Variants in COL17A1 observed in about 807,000 individuals in gnomAD.
COL17A1 encodes collagen alpha-1(XVII) chain.
In COL17A1, 181 loss-of-function variants were observed where a neutral mutation model predicts 218.4. That is an observed-to-expected ratio of 0.83 (90% CI 0.73 to 0.94). The LOEUF is 0.94. COL17A1 is among the 40% of genes least tolerant of loss of function. The pLI is 0.00. For missense variants in COL17A1, 1,924 were observed against 1,945.9 expected (o/e 0.99, Z 0.21); for synonymous variants, 721 against 731.0 (o/e 0.99, Z 0.22).
chr10:104,055,239 A>G, intron 19 of COL17A1, 133 bp downstream of exon 19: 2 of 1,519,758 alleles, frequency 1.3e-6, no homozygotes, highest in South Asian at 2.3e-5. Context: ...GATACCTCCC[A>G]ACAGATACCA....
chr10:104,039,310 T>C, intron 43 of COL17A1, 135 bp downstream of exon 43: 1 of 1,122,514 alleles, frequency 8.9e-7, no homozygotes, highest in Middle Eastern at 2.8e-4. Flanking sequence ...CCCTCTGGCC[T>C]TTCCTTCCTC....
At chr10:104,070,394 CA>C in intron 9 of COL17A1, 31 bp downstream of exon 9, 3 of 1,612,430 alleles carry the variant, frequency 1.9e-6, no homozygotes, top group Non-Finnish European at 2.5e-6. Context: ...TTGTTTCTCA[CA>C]CTCCTCGGCA....
At chr10:104,063,960 G>A in intron 10 of COL17A1, 142 bp from the exon 11 acceptor site, 1 of 1,179,594 alleles carries the variant, frequency 8.5e-7, no homozygotes. Context: ...GGAAAAACAG[G>A]CTCTTGCCTT....
intron 32 of COL17A1, among the ~76,000 whole-genome samples, chr10:104,046,382 A>G (rs1414940874): frequency 1.3e-5 from 2 of 152,290 alleles, no homozygotes; most frequent in African/African-American, 2.4e-5. Flanking sequence ...AACAAGGATG[A>G]GCGCCCATGC....
intron 9 of COL17A1, among the ~76,000 whole-genome samples, chr10:104,066,281 C>G (rs992844511): frequency 6.6e-6 from 1 of 152,152 alleles, no homozygotes; most frequent in Admixed American, 6.5e-5. Flanking sequence ...TAAAAAGACA[C>G]CCTCTAACAT....
intron 3 of COL17A1, among the ~76,000 whole-genome samples, chr10:104,078,031 C>T (rs1388147607): frequency 6.6e-6 from 1 of 152,166 alleles, no homozygotes; most frequent in Non-Finnish European, 1.5e-5. Context: ...TCTCCCCATC[C>T]CCAGGGAACT....
rs747301994 is a variant in COL17A1 at position 104,053,097 on chromosome 10, G to T, written c.1873C>A (p.Arg625=). 2 of 1,613,488 alleles carry T rather than the reference G, an allele frequency of 1.2e-6. No individual in the cohort carries two copies. Among genetic ancestry groups the T allele is most frequent in the Non-Finnish European group, 8.5e-7 (1 of 1,180,016 alleles). The change falls in exon 23 of 56, where the codon CGA becomes AGA. Residue 625 remains arginine, a synonymous_variant. Transcript: ENST00000648076. Reference sequence around the variant, plus strand: ...CCACGAGGTCCCATGGGGCCTTCTCGCCCTCTCTGGCCCATGGGGCCTTCC... The same window carrying T: ...CCACGAGGTCCCATGGGGCCTTCTCTCCCTCTCTGGCCCATGGGGCCTTCC... ...GMEGPMGQRG[R]EGPMGPRGEA...
rs768705886 is a variant in COL17A1 at position 104,041,494 on chromosome 10, C to T, written c.2596G>A (p.Gly866Arg). ...QGPPGPPGPR[G>R]PPGPSIPGPP... is the part of the protein sequence containing the mutation. ...TCTCCAAGATACTCACCTGGTGGCCCGCGTGGGCCGGGTGGGCCTGGGGGA... is the reference window on the plus strand; with the variant it reads ...TCTCCAAGATACTCACCTGGTGGCCTGCGTGGGCCGGGTGGGCCTGGGGGA... Residue 866 changes from glycine (G) to arginine (R), a missense_variant, in exon 37 of 56, where the codon GGG becomes AGG. Coordinates refer to ENST00000648076, the MANE Select transcript of COL17A1 (RefSeq NM_000494.4). 2 of 1,612,760 alleles carry T rather than the reference C, an allele frequency of 1.2e-6. No individual in the cohort carries two copies. Among genetic ancestry groups the T allele is most frequent in the African/African-American group, 1.3e-5 (1 of 74,812 alleles).
intron 51 of COL17A1, 36 bp downstream of exon 51, chr10:104,034,585 G>A (rs886521082): frequency 6.2e-7 from 1 of 1,602,866 alleles, no homozygotes; most frequent in Non-Finnish European, 8.5e-7. Flanking sequence ...AAGGCCTGCG[G>A]GGTGCCTGGT....
At chr10:104,046,349 C>T (rs2086409376) in intron 32 of COL17A1, among the ~76,000 whole-genome samples, 1 of 152,182 alleles carries the variant, frequency 6.6e-6, no homozygotes, top group Non-Finnish European at 1.5e-5. Context: ...CTGAGGCTGT[C>T]CCAGAGAAAC....
intron 43 of COL17A1, 31 bp downstream of exon 43, chr10:104,039,414 C>T (rs1306578061): frequency 6.2e-7 from 1 of 1,610,622 alleles, no homozygotes; most frequent in East Asian, 2.2e-5. Context: ...ACCCCTACTC[C>T]TCACCACCTT....
At chr10:104,065,187 G>A (rs755043306) in intron 9 of COL17A1, among the ~76,000 whole-genome samples, 1 of 152,170 alleles carries the variant, frequency 6.6e-6, no homozygotes, top group Non-Finnish European at 1.5e-5. Flanking sequence ...TTCATATTTG[G>A]GGCCAGTTCT....
chr10:104,084,366 G>A (rs2086789438), intron 1 of COL17A1, among the ~76,000 whole-genome samples: 1 of 150,720 alleles, frequency 6.6e-6, no homozygotes, highest in African/African-American at 2.4e-5. Flanking sequence ...TGGGAGTGCA[G>A]TGGCACAACC....
At chr10:104,058,232 G>A (rs2086550132) in intron 15 of COL17A1, 42 bp from the exon 16 acceptor site, 2 of 1,613,408 alleles carry the variant, frequency 1.2e-6, no homozygotes, top group East Asian at 4.5e-5. Flanking sequence ...TAAACTGGAG[G>A]AGCTAGCTGC....
At chr10:104,032,559 T>C (rs972385266) in intron 55 of COL17A1, 115 bp downstream of exon 55, 2 of 1,115,404 alleles carry the variant, frequency 1.8e-6, no homozygotes, top group Non-Finnish European at 2.7e-6. Flanking sequence ...CCTGGAGTAA[T>C]TGGCATTTGC....
rs116305039 is a variant in COL17A1 at position 104,063,561 on chromosome 10, C to T, written c.838+186G>A. ...ACGTCAATGTGGGCTCACGTCCCCT[C>T]GCCTGAGACTTTTCCCTTGGGGTCT... On this transcript the variant is annotated intron_variant, in intron 11 of 55. Coordinates refer to ENST00000648076, the MANE Select transcript of COL17A1 (RefSeq NM_000494.4). 494 of 903,922 alleles carry T rather than the reference C, an allele frequency of 5.5e-4. 3 individuals are homozygous for T. The African/African-American group carries it at 7.1e-3, about 13-fold the overall frequency. 56.0% of individuals were successfully genotyped at this position (903,922 alleles called of 1,614,324 possible).
intron 12 of COL17A1, among the ~76,000 whole-genome samples, chr10:104,061,674 C>T (rs1030187381): frequency 1.3e-5 from 2 of 152,172 alleles, no homozygotes; most frequent in Non-Finnish European, 2.9e-5. Flanking sequence ...CTTCTAGCTA[C>T]TTCCAGGAAG....
rs772301107 is a variant in COL17A1 at position 104,034,287 on chromosome 10, G to C, written c.3814C>G (p.Pro1272Ala). Residue 1272 changes from proline (P) to alanine (A), a missense_variant, in exon 52 of 56, where the codon CCG becomes GCG. Transcript: ENST00000648076. ...CGGCTGTCCCCAGGGGGTCCCTGCG[G>C]CCCAGGAGGGCCTGGGGGGCCAACA... The part of the protein sequence containing the change: ...FIVGPPGPPG[P>A]QGPPGDSRLL... 3 of 1,585,018 alleles carry C rather than the reference G, an allele frequency of 1.9e-6. No homozygotes were observed. The highest frequency in any genetic ancestry group is 1.7e-6 in the Non-Finnish European group (2 of 1,168,698).
At chr10:104,059,599 G>A in intron 15 of COL17A1, 39 bp downstream of exon 15, 1 of 1,575,804 alleles carries the variant, frequency 6.3e-7, no homozygotes, top group East Asian at 2.2e-5. Context: ...ATGTGGCCTG[G>A]CTGAAGTCAA....
Sources: gnomAD v4.1 joint callset for allele counts (sites outside exome capture counted in the v4.1 genomes callset) on GRCh38, gnomAD v4.1.1 for gene constraint, MANE v1.5 for transcripts, NCBI Gene and HGNC (gene_info 2026-07-23, HGNC 2026-07-21) for gene names.